The following BANK1 variants were observed in gnomAD, a reference collection of about 807,000 sequenced individuals.
The protein encoded by BANK1 is B-cell scaffold protein with ankyrin repeats.
BANK1 carries 95 observed loss-of-function variants against 94.5 expected under a neutral mutation model. The observed-to-expected ratio is 1.00, with a 90% CI of 0.85 to 1.19. The LOEUF (loss-of-function observed/expected upper bound fraction) is 1.19. BANK1 is among the 50% of genes most tolerant of loss of function. BANK1 has a pLI of 0.00. For missense variants in BANK1, 987 were observed against 932.2 expected, an observed-to-expected ratio of 1.06 and a Z score of -0.77; for synonymous variants, 334 against 308.4, an observed-to-expected ratio of 1.08 and a Z score of -0.87.
At chr4:101,810,276 A>T (rs541422398) in intron 1 of BANK1, among the ~76,000 whole-genome samples, 3 of 152,360 alleles carry the variant, frequency 2.0e-5, no homozygotes, top group Admixed American at 6.5e-5. Context: ...CCTAACTTTC[A>T]GAACTGTAAG....
At position 102,074,762 on chromosome 4, in the gene BANK1, T is replaced by G. The variant is rs1728868866; in HGVS notation, c.*763T>G. 6.6e-6 allele frequency: 1 copy of G among 152,024 alleles called. No homozygotes were observed. Among genetic ancestry groups the G allele is most frequent in the South Asian group, 2.1e-4 (1 of 4,834 alleles). The allele number at this position is 152,024 out of a possible 1,614,324, so 9.4% of individuals were successfully genotyped here. A position where few individuals can be genotyped will look rare whatever the true frequency, so the allele number is the denominator to read the frequency against. ...CTATGTCTGAGTTTTTAAAGTAAAT[T>G]TATAAGAATTAGCCAATAAAATTGC... On this transcript the variant is annotated 3_prime_UTR_variant, in exon 17 of 17. Transcript: ENST00000322953.
chr4:101,796,252 T>C (rs1197093252), intron 1 of BANK1, among the ~76,000 whole-genome samples: 1 of 152,134 alleles, frequency 6.6e-6, no homozygotes, highest in Non-Finnish European at 1.5e-5. Flanking sequence ...TCTGATCTTA[T>C]TTGCCCATGA....
At chr4:102,071,195 A>G in intron 13 of BANK1, 80 bp from the exon 14 acceptor site, 1 of 1,483,716 alleles carries the variant, frequency 6.7e-7, no homozygotes, top group Non-Finnish European at 9.4e-7. Flanking sequence ...AAGTAGTCCA[A>G]CAATTAAAAA....
At chr4:101,883,375 A>G (rs945716582) in intron 5 of BANK1, among the ~76,000 whole-genome samples, 2 of 152,196 alleles carry the variant, frequency 1.3e-5, no homozygotes, top group African/African-American at 4.8e-5. Flanking sequence ...ATACAACCTT[A>G]ATATTGATTC....
At chr4:102,049,526 AT>A (rs1162772950) in intron 11 of BANK1, among the ~76,000 whole-genome samples, 1 of 152,130 alleles carries the variant, frequency 6.6e-6, no homozygotes, top group Non-Finnish European at 1.5e-5. Context: ...CTCCTCAGCC[AT>A]ATAGTCAAAT....
chr4:101,971,430 T>C (rs1049928653), intron 7 of BANK1, among the ~76,000 whole-genome samples: 5 of 152,122 alleles, frequency 3.3e-5, no homozygotes, highest in African/African-American at 1.2e-4. Context: ...AGCTAGTATT[T>C]TCACATCTAA....
At chr4:101,860,144 A>G (rs1037615122) in intron 3 of BANK1, among the ~76,000 whole-genome samples, 1 of 152,236 alleles carries the variant, frequency 6.6e-6, no homozygotes, top group African/African-American at 2.4e-5. Context: ...TGCCAACATT[A>G]TGTTCAAGCA....
chr4:101,807,365 A>G (rs1280572148), intron 1 of BANK1, among the ~76,000 whole-genome samples: 1 of 152,220 alleles, frequency 6.6e-6, no homozygotes, highest in Non-Finnish European at 1.5e-5. Flanking sequence ...AAAATGGTTG[A>G]AAAAATTATA....
intron 7 of BANK1, among the ~76,000 whole-genome samples, chr4:102,006,062 A>G (rs1423867824): frequency 6.6e-6 from 1 of 152,026 alleles, no homozygotes; most frequent in African/African-American, 2.4e-5. Context: ...ACACTACTAC[A>G]CTTTACCTGC....
At chr4:102,059,077 A>G (rs1253024287) in intron 11 of BANK1, among the ~76,000 whole-genome samples, 2 of 152,210 alleles carry the variant, frequency 1.3e-5, no homozygotes, top group African/African-American at 4.8e-5. Context: ...TTTCCAGAAC[A>G]ATCAATCCTA....
rs756298535 is a variant in BANK1 at position 102,053,080 on chromosome 4, A to G, written c.1970-7131A>G. On this transcript the variant is annotated intron_variant, in intron 11 of 16. Transcript: ENST00000322953. The stretch of plus-strand genomic sequence containing the variant: ...CTAGGTGAAAATAAATCAGTGACGT[A>G]GAGAACATATTGAAGAAGGGTTTGT... 2.3e-4 allele frequency among the ~76,000 whole-genome samples: 35 copies of G among 152,236 alleles called. 1 individual carries two copies. The highest frequency in any genetic ancestry group is 6.2e-4 in the South Asian group (3 of 4,832).
intron 7 of BANK1, among the ~76,000 whole-genome samples, chr4:101,960,596 G>A (rs1450394810): frequency 1.3e-5 from 2 of 152,024 alleles, no homozygotes; most frequent in East Asian, 3.9e-4. Context: ...CAGAAGGAAA[G>A]GGAAATTGTT....
At chr4:101,800,062 A>G (rs1295292564) in intron 1 of BANK1, among the ~76,000 whole-genome samples, 1 of 143,026 alleles carries the variant, frequency 7.0e-6, no homozygotes, top group Non-Finnish European at 1.5e-5. Context: ...GTCCTCACTC[A>G]TAGGTGGGAA....
At chr4:101,799,575 G>A (rs573191366) in intron 1 of BANK1, among the ~76,000 whole-genome samples, 7 of 152,248 alleles carry the variant, frequency 4.6e-5, no homozygotes, top group Non-Finnish European at 7.4e-5. Flanking sequence ...ATGACAGACC[G>A]GATTAAGAAA....
chr4:101,964,231 C>T (rs1041786495), intron 7 of BANK1, among the ~76,000 whole-genome samples: 1 of 152,126 alleles, frequency 6.6e-6, no homozygotes, highest in Admixed American at 6.6e-5. Flanking sequence ...AATGGATGGA[C>T]TAAAGTTTGG....
At chr4:102,007,056 A>T (rs1227707073) in intron 7 of BANK1, among the ~76,000 whole-genome samples, 8 of 120,628 alleles carry the variant, frequency 6.6e-5, no homozygotes, top group African/African-American at 9.5e-5. Flanking sequence ...TATATATATA[A>T]AATATATAAT....
chr4:102,016,183 A>G (rs1726693046), intron 7 of BANK1, among the ~76,000 whole-genome samples: 1 of 152,166 alleles, frequency 6.6e-6, no homozygotes, highest in African/African-American at 2.4e-5. Flanking sequence ...AGTGGAAATG[A>G]TTGCATGTTT....
chr4:101,838,913 T>C (rs1726930510), intron 2 of BANK1, among the ~76,000 whole-genome samples: 1 of 152,226 alleles, frequency 6.6e-6, no homozygotes, highest in African/African-American at 2.4e-5. Context: ...AGGTATAGGA[T>C]CATGTGAGAT....
intron 7 of BANK1, among the ~76,000 whole-genome samples, chr4:102,014,495 TC>T (rs1309016821): frequency 6.6e-6 from 1 of 152,164 alleles, no homozygotes; most frequent in African/African-American, 2.4e-5. Flanking sequence ...CCTTCTAAAC[TC>T]AGGCCTAATT....
Sources: gnomAD v4.1 joint callset for allele counts (sites outside exome capture counted in the v4.1 genomes callset) on GRCh38, gnomAD v4.1.1 for gene constraint, MANE v1.5 for transcripts, NCBI Gene and HGNC (gene_info 2026-07-23, HGNC 2026-07-21) for gene names.